LINGO2: variants seen among roughly 807,000 people sequenced by gnomAD.
LINGO2 encodes the protein leucine rich repeat and Ig domain containing 2.
Under a neutral mutation model 30.6 loss-of-function variants are expected in LINGO2, and 14 were observed. The observed-to-expected ratio is 0.46, with a 90% confidence interval of 0.30 to 0.72. LINGO2 has a LOEUF of 0.72. Among genes scored for constraint, LINGO2 ranks in the 30% least tolerant of loss-of-function variants. The pLI is 0.07. For missense variants in LINGO2, 729 were observed against 751.7 expected (o/e 0.97, Z 0.35); for synonymous variants, 317 against 288.5 (o/e 1.10, Z -1.00).
chr9:28,621,776 G>C (rs1826409649), intron 1 of LINGO2, among the ~76,000 whole-genome samples: 1 of 151,900 alleles, frequency 6.6e-6, no homozygotes, highest in Admixed American at 6.6e-5. Context: ...TTGTTTCCCA[G>C]TGCATATGAA....
At chr9:28,608,165 CTT>C (rs1825771329) in intron 1 of LINGO2, among the ~76,000 whole-genome samples, 7 of 146,370 alleles carry the variant, frequency 4.8e-5, no homozygotes, top group Non-Finnish European at 9.0e-5. Context: ...AAAAAAAAAA[CTT>C]AGTACTATCT....
chr9:28,055,408 G>A (rs1824880829), intron 4 of LINGO2, among the ~76,000 whole-genome samples: 2 of 152,198 alleles, frequency 1.3e-5, no homozygotes, highest in South Asian at 4.1e-4. Flanking sequence ...GGCTATTTTA[G>A]CTATTGCCAC....
chr9:28,169,561 T>G (rs1309995160), intron 4 of LINGO2, among the ~76,000 whole-genome samples: 1 of 152,204 alleles, frequency 6.6e-6, no homozygotes, highest in Non-Finnish European at 1.5e-5. Flanking sequence ...AAGTGCCTAT[T>G]ATGTGCCCAG....
intron 1 of LINGO2, among the ~76,000 whole-genome samples, chr9:28,667,014 G>T (rs769422522): frequency 1.3e-5 from 2 of 151,962 alleles, no homozygotes; most frequent in African/African-American, 2.4e-5. Flanking sequence ...TGTATATAAA[G>T]GCTATTTCTC....
At chr9:28,481,488 C>A (rs912412435) in intron 1 of LINGO2, among the ~76,000 whole-genome samples, 3 of 152,144 alleles carry the variant, frequency 2.0e-5, no homozygotes, top group Admixed American at 6.6e-5. Flanking sequence ...TTCAGAGGAA[C>A]ATTCCTTTGA....
the LINGO2 span, among the ~76,000 whole-genome samples, chr9:29,180,020 G>A: frequency 1.3e-5 from 2 of 152,158 alleles, no homozygotes; most frequent in African/African-American, 4.8e-5. Context: ...GAACTTGAGT[G>A]AATAAAAACT....
At chr9:28,290,156 A>G (rs1823667305) in intron 4 of LINGO2, among the ~76,000 whole-genome samples, 1 of 152,162 alleles carries the variant, frequency 6.6e-6, no homozygotes, top group African/African-American at 2.4e-5. Context: ...TTAGGGTCAC[A>G]AGGCAGATTG....
intron 3 of LINGO2, among the ~76,000 whole-genome samples, chr9:28,307,423 C>T (rs1360878380): frequency 2.6e-5 from 4 of 152,118 alleles, no homozygotes; most frequent in South Asian, 2.1e-4. Flanking sequence ...ATTGATGGGA[C>T]GTATCTCAAA....
chr9:28,236,178 G>C (rs1049656785), intron 4 of LINGO2, among the ~76,000 whole-genome samples: 1 of 152,020 alleles, frequency 6.6e-6, no homozygotes, highest in East Asian at 1.9e-4. Flanking sequence ...AGAGTGAAAT[G>C]ACATATTTTT....
chr9:28,912,284 C>T, the LINGO2 span, among the ~76,000 whole-genome samples: 2 of 152,070 alleles, frequency 1.3e-5, no homozygotes, highest in South Asian at 4.1e-4. Context: ...GCAGTCAGTT[C>T]TATGAAAAAC....
chr9:28,015,008 C>G (rs569933402), intron 4 of LINGO2, among the ~76,000 whole-genome samples: 2 of 152,118 alleles, frequency 1.3e-5, no homozygotes, highest in East Asian at 3.9e-4. Flanking sequence ...AAAATAGTTC[C>G]TGAAGTGAAT....
intron 2 of LINGO2, among the ~76,000 whole-genome samples, chr9:28,397,232 T>A (rs1260456439): frequency 4.6e-5 from 7 of 151,944 alleles, no homozygotes; most frequent in Non-Finnish European, 2.9e-5. Context: ...TAGAATAGGA[T>A]CCATATCCTT....
chr9:28,785,671 C>T, the LINGO2 span, among the ~76,000 whole-genome samples: 18 of 72,938 alleles, frequency 2.5e-4, no homozygotes, highest in African/African-American at 4.3e-4. Context: ...TCTCTCTCCA[C>T]AAACACACAC....
chr9:29,085,557 A>G, the LINGO2 span, among the ~76,000 whole-genome samples: 2 of 152,038 alleles, frequency 1.3e-5, no homozygotes, highest in African/African-American at 4.8e-5. Flanking sequence ...GTCCACATGA[A>G]TGAAAGACTG....
the LINGO2 span, among the ~76,000 whole-genome samples, chr9:28,886,958 C>A: frequency 6.6e-6 from 1 of 152,108 alleles, no homozygotes; most frequent in Non-Finnish European, 1.5e-5. Context: ...TGAAGTGGAT[C>A]TAACATATTT....
intron 5 of LINGO2, among the ~76,000 whole-genome samples, chr9:27,956,386 C>G (rs1261429936): frequency 6.6e-6 from 1 of 152,070 alleles, no homozygotes; most frequent in Non-Finnish European, 1.5e-5. Flanking sequence ...CAACATTTTT[C>G]TCACTTTTAA....
At chr9:28,353,864 G>T (rs984609493) in intron 3 of LINGO2, among the ~76,000 whole-genome samples, 2 of 152,116 alleles carry the variant, frequency 1.3e-5, no homozygotes, top group African/African-American at 4.8e-5. Flanking sequence ...GGACATGGAT[G>T]AAATTGGAAA....
At chr9:28,671,365 G>T (rs1031526436), upstream of LINGO2, among the ~76,000 whole-genome samples, 3 of 151,786 alleles carry the variant, frequency 2.0e-5, no homozygotes, top group South Asian at 4.2e-4. Context: ...AATAAATAAA[G>T]ACCTAAATAA....
At chr9:28,244,471 G>A (rs1348560706) in intron 4 of LINGO2, among the ~76,000 whole-genome samples, 1 of 152,030 alleles carries the variant, frequency 6.6e-6, no homozygotes, top group Non-Finnish European at 1.5e-5. Context: ...GGAACTGAAG[G>A]AGACAGAGAA....
Sources: allele counts gnomAD v4.1 joint callset (sites outside exome capture counted in the v4.1 genomes callset), GRCh38; gene constraint gnomAD v4.1.1; transcripts MANE v1.5; gene names NCBI Gene and HGNC (gene_info 2026-07-23, HGNC 2026-07-21).